HTR1F: variants seen among roughly 807,000 people sequenced by gnomAD.
HTR1F encodes the protein 5-hydroxytryptamine (serotonin) receptor 1F, G protein-coupled.
Under a neutral mutation model 24.0 loss-of-function variants are expected in HTR1F, and 17 were observed. That is an observed-to-expected ratio of 0.71 (90% confidence interval 0.48 to 1.06). The LOEUF is 1.06. Ranked by LOEUF, HTR1F falls within the 50% of genes least tolerant of loss-of-function variation. The probability of loss-of-function intolerance (pLI) is 0.00; values close to 1 mark genes in which losing one functional copy is unlikely to be tolerated. For synonymous variants in HTR1F, 186 were observed against 156.8 expected (o/e 1.19, Z -1.39); for missense variants, 391 against 427.8 (o/e 0.91, Z 0.76).
At chr3:87,921,727 C>T (rs866551561) in intron 2 of HTR1F, among the ~76,000 whole-genome samples, 2 of 151,854 alleles carry the variant, frequency 1.3e-5, no homozygotes, top group South Asian at 2.1e-4. Flanking sequence ...CCACTCTCCT[C>T]GCTACCCTTC....
intron 2 of HTR1F, among the ~76,000 whole-genome samples, chr3:87,939,899 C>A (rs762991090): frequency 2.6e-5 from 4 of 152,094 alleles, no homozygotes; most frequent in Non-Finnish European, 4.4e-5. Flanking sequence ...TTCTTGTCTT[C>A]TGCTAGCTTT....
chr3:87,815,353 C>T (rs1309558661), intron 1 of HTR1F, among the ~76,000 whole-genome samples: 1 of 151,898 alleles, frequency 6.6e-6, no homozygotes, highest in East Asian at 1.9e-4. Flanking sequence ...AAAAGGTAAG[C>T]AGCTTAATAT....
At chr3:87,803,781 T>A (rs973427327) in intron 1 of HTR1F, among the ~76,000 whole-genome samples, 1 of 152,194 alleles carries the variant, frequency 6.6e-6, no homozygotes, top group African/African-American at 2.4e-5. Flanking sequence ...TAGAACTACA[T>A]ATAATTCCAT....
chr3:87,911,045 A>C (rs747299893), intron 2 of HTR1F, among the ~76,000 whole-genome samples: 4 of 152,104 alleles, frequency 2.6e-5, no homozygotes, highest in Non-Finnish European at 5.9e-5. Flanking sequence ...TTAACAACCT[A>C]AGATCACGAC....
intron 2 of HTR1F, among the ~76,000 whole-genome samples, chr3:87,915,094 G>A (rs190493251): frequency 1.3e-5 from 2 of 152,234 alleles, no homozygotes; most frequent in Admixed American, 6.5e-5. Context: ...AGATCCAGAA[G>A]AGAGACAACA....
At chr3:87,914,693 A>G (rs567085713) in intron 2 of HTR1F, among the ~76,000 whole-genome samples, 4 of 151,942 alleles carry the variant, frequency 2.6e-5, no homozygotes, top group African/African-American at 9.7e-5. Flanking sequence ...CAGCTAGACC[A>G]TCCAAGTAGA....
intron 2 of HTR1F, among the ~76,000 whole-genome samples, chr3:87,895,701 G>C (rs922359594): frequency 2.0e-5 from 3 of 152,124 alleles, no homozygotes; most frequent in African/African-American, 7.2e-5. Flanking sequence ...TCATTTGACA[G>C]ATTAAATGAG....
intron 2 of HTR1F, among the ~76,000 whole-genome samples, chr3:87,926,428 T>C (rs1393916): frequency 0.4 from 61,509 of 151,998 alleles, 12,818 homozygotes; most frequent in African/African-American, 0.5. Context: ...TATTTTTCTT[T>C]TTATCAGAAC....
At chr3:87,832,742 A>G (rs1704609251) in intron 2 of HTR1F, among the ~76,000 whole-genome samples, 1 of 152,222 alleles carries the variant, frequency 6.6e-6, no homozygotes, top group Non-Finnish European at 1.5e-5. Flanking sequence ...TCATTGTCAG[A>G]CAGCCACAGA....
chr3:87,883,495 C>T (rs534330512), intron 2 of HTR1F, among the ~76,000 whole-genome samples: 1 of 152,250 alleles, frequency 6.6e-6, no homozygotes, highest in Admixed American at 6.5e-5. Context: ...CAGAAGAAGG[C>T]TTCAGAAGGT....
intron 2 of HTR1F, among the ~76,000 whole-genome samples, chr3:87,890,018 A>G (rs781289322): frequency 2.6e-5 from 4 of 152,234 alleles, no homozygotes; most frequent in African/African-American, 9.6e-5. Context: ...TAGGATTTCA[A>G]TGGAAAGTTT....
At chr3:87,840,511 T>C (rs1704778885) in intron 2 of HTR1F, among the ~76,000 whole-genome samples, 1 of 152,136 alleles carries the variant, frequency 6.6e-6, no homozygotes, top group Non-Finnish European at 1.5e-5. Context: ...TATTGTAAAT[T>C]AGCACAGCCA....
At position 87,991,925 on chromosome 3, in the gene HTR1F, A is replaced by G; in HGVS notation, c.*75A>G. On this transcript the variant is annotated 3_prime_UTR_variant, in exon 3 of 3. Transcript: ENST00000319595. ...AACTAGATGAATGCCAAATAATAAA[A>G]CACTTAAGCTTTTAGAGGGAAATAC... 2 of 1,279,746 alleles carry G rather than the reference A, an allele frequency of 1.6e-6. No homozygotes were observed. Among genetic ancestry groups the G allele is most frequent in the Non-Finnish European group, 2.1e-6 (2 of 931,826 alleles). 79.3% of individuals were successfully genotyped at this position (1,279,746 alleles called of 1,614,324 possible).
At chr3:87,952,871 C>T (rs1704864586) in intron 2 of HTR1F, among the ~76,000 whole-genome samples, 1 of 151,540 alleles carries the variant, frequency 6.6e-6, no homozygotes, top group Admixed American at 6.6e-5. Context: ...ACGCTAATTA[C>T]ACTACATTTT....
chr3:87,888,230 A>G (rs1706000756), intron 2 of HTR1F, among the ~76,000 whole-genome samples: 1 of 152,196 alleles, frequency 6.6e-6, no homozygotes, highest in African/African-American at 2.4e-5. Context: ...CAGAAAACCA[A>G]ACACTGCATT....
intron 2 of HTR1F, among the ~76,000 whole-genome samples, chr3:87,949,036 A>G (rs995337797): frequency 2.0e-5 from 3 of 152,148 alleles, no homozygotes; most frequent in Non-Finnish European, 4.4e-5. Context: ...TATTCTATCA[A>G]TGTTTAGCTC....
intron 1 of HTR1F, among the ~76,000 whole-genome samples, chr3:87,802,445 G>C (rs1704010536): frequency 6.6e-6 from 1 of 151,558 alleles, no homozygotes; most frequent in Non-Finnish European, 1.5e-5. Flanking sequence ...TGGGGGCCAA[G>C]TGATCTTCCC....
chr3:87,918,840 C>A (rs548173329), intron 2 of HTR1F, among the ~76,000 whole-genome samples: 1 of 152,094 alleles, frequency 6.6e-6, no homozygotes, highest in South Asian at 2.1e-4. Context: ...CATCAGAATA[C>A]CACCATCATT....
chr3:87,948,873 CATATT>C (rs1170775757), intron 2 of HTR1F, among the ~76,000 whole-genome samples: 1 of 152,120 alleles, frequency 6.6e-6, no homozygotes, highest in East Asian at 1.9e-4. Flanking sequence ...TACCAATAGC[CATATT>C]ATAGAACCTT....
Sources: allele counts gnomAD v4.1 joint callset (sites outside exome capture counted in the v4.1 genomes callset), GRCh38; gene constraint gnomAD v4.1.1; transcripts MANE v1.5; gene names NCBI Gene and HGNC (gene_info 2026-07-23, HGNC 2026-07-21).